The following GRM1 variants were observed in gnomAD, a reference collection of about 807,000 sequenced individuals.
GRM1 encodes the protein glutamate metabotropic receptor 1.
Under a neutral mutation model 90.9 loss-of-function variants are expected in GRM1, and 33 were observed. That is an observed-to-expected ratio of 0.36 (90% CI 0.28 to 0.49). The LOEUF (loss-of-function observed/expected upper bound fraction) is 0.49. GRM1 is among the 20% of genes least tolerant of loss of function. The pLI is 0.99. For synonymous variants in GRM1, 700 were observed against 613.2 expected (o/e 1.14, Z -2.09); for missense variants, 1,190 against 1,534.3 (o/e 0.78, Z 3.75).
chr6:146,064,910 A>C (rs1272754856), intron 1 of GRM1, among the ~76,000 whole-genome samples: 3 of 152,062 alleles, frequency 2.0e-5, no homozygotes, highest in Admixed American at 2.0e-4. Flanking sequence ...ACAAACCATC[A>C]ATATCATCAA....
chr6:146,132,388 A>G (rs374620839), intron 1 of GRM1, among the ~76,000 whole-genome samples: 5 of 152,328 alleles, frequency 3.3e-5, no homozygotes, highest in South Asian at 2.1e-4. Context: ...TATCATTAAG[A>G]AGTTGACAGA....
chr6:146,336,331 C>T (rs1332885624), intron 3 of GRM1, among the ~76,000 whole-genome samples: 1 of 152,140 alleles, frequency 6.6e-6, no homozygotes, highest in African/African-American at 2.4e-5. Context: ...AGGAAGTAAG[C>T]TAAGACTGGG....
chr6:146,165,439 A>C (rs1777873344), intron 2 of GRM1, among the ~76,000 whole-genome samples: 1 of 152,180 alleles, frequency 6.6e-6, no homozygotes, highest in Non-Finnish European at 1.5e-5. Flanking sequence ...TGCAGCATTC[A>C]GGAAAAATTG....
intron 6 of GRM1, among the ~76,000 whole-genome samples, chr6:146,390,349 G>C (rs117565335): frequency 6.6e-6 from 1 of 151,754 alleles, no homozygotes; most frequent in East Asian, 1.9e-4. Context: ...TTTTGAAGCT[G>C]TTAAAAAGTT....
At chr6:146,299,028 G>A (rs1443456979) in intron 2 of GRM1, among the ~76,000 whole-genome samples, 1 of 152,128 alleles carries the variant, frequency 6.6e-6, no homozygotes, top group Non-Finnish European at 1.5e-5. Context: ...GCTTGTTCCT[G>A]TCTTAGGATT....
rs998506141 is a variant in GRM1 at position 146,435,850 on chromosome 6, A to G, written c.*1054A>G. Reference sequence around the variant, plus strand: ...AATAATACCTACAAGTTGAACTTCTAAGATGCGTATATGTACAATTTGGTG... The same window carrying G: ...AATAATACCTACAAGTTGAACTTCTGAGATGCGTATATGTACAATTTGGTG... On this transcript the variant is annotated 3_prime_UTR_variant, in exon 8 of 8. Transcript: ENST00000282753. 6.5e-6 allele frequency: 1 copy of G among 152,674 alleles called. No homozygotes were observed. The highest frequency in any genetic ancestry group is 1.5e-5 in the Non-Finnish European group (1 of 68,046). The allele number at this position is 152,674 out of a possible 1,614,324, so 9.5% of individuals were successfully genotyped here. A position where few individuals can be genotyped will look rare whatever the true frequency, so the allele number is the denominator to read the frequency against.
chr6:146,277,610 G>A (rs1782422304), intron 2 of GRM1, among the ~76,000 whole-genome samples: 1 of 152,090 alleles, frequency 6.6e-6, no homozygotes, highest in African/African-American at 2.4e-5. Context: ...AACTGCCTTG[G>A]GGGAAGACAC....
At chr6:146,353,911 C>T (rs1302836021) in intron 4 of GRM1, among the ~76,000 whole-genome samples, 5 of 152,156 alleles carry the variant, frequency 3.3e-5, no homozygotes, top group East Asian at 1.9e-4. Flanking sequence ...GGATTACAGG[C>T]GTGAGCCACT....
intron 2 of GRM1, chr6:146,171,623 T>C (rs1460607887): frequency 3.9e-6 from 1 of 258,096 alleles, no homozygotes; most frequent in African/African-American, 2.3e-5. Flanking sequence ...GGGGGGTGAA[T>C]TTTTTCTCCT....
chr6:146,290,102 T>G (rs1056200215), intron 2 of GRM1, among the ~76,000 whole-genome samples: 3 of 152,132 alleles, frequency 2.0e-5, no homozygotes, highest in African/African-American at 7.2e-5. Context: ...ACATGATCTG[T>G]AGGGAAAGCC....
At chr6:146,253,232 G>A (rs979789646) in intron 2 of GRM1, among the ~76,000 whole-genome samples, 1 of 152,108 alleles carries the variant, frequency 6.6e-6, no homozygotes, top group Non-Finnish European at 1.5e-5. Context: ...CAGAAATTGA[G>A]GATTTGTTTA....
intron 2 of GRM1, among the ~76,000 whole-genome samples, chr6:146,231,880 T>C (rs1315662543): frequency 6.6e-6 from 1 of 152,216 alleles, no homozygotes; most frequent in East Asian, 1.9e-4. Context: ...TTTTGTTTTC[T>C]TGTAATACCT....
intron 2 of GRM1, among the ~76,000 whole-genome samples, chr6:146,304,169 G>A (rs930638713): frequency 2.9e-4 from 44 of 152,094 alleles, no homozygotes; most frequent in African/African-American, 1.0e-3. Context: ...ATCTATGTAA[G>A]GTAGCTCATG....
intron 2 of GRM1, among the ~76,000 whole-genome samples, chr6:146,281,778 A>T (rs1034678832): frequency 3.3e-5 from 5 of 152,134 alleles, no homozygotes; most frequent in African/African-American, 1.2e-4. Context: ...TACTTCTTTC[A>T]TCTATTAATC....
chr6:146,172,348 C>T (rs933795854), intron 2 of GRM1, among the ~76,000 whole-genome samples: 1 of 152,202 alleles, frequency 6.6e-6, no homozygotes, highest in Middle Eastern at 3.2e-3. Context: ...TTACATTGGG[C>T]ACACCTGTAT....
chr6:146,197,465 A>T (rs1779160348), intron 2 of GRM1, among the ~76,000 whole-genome samples: 1 of 152,168 alleles, frequency 6.6e-6, no homozygotes, highest in South Asian at 2.1e-4. Context: ...CCCTGAAAAC[A>T]CCTCTGAAGT....
intron 7 of GRM1, among the ~76,000 whole-genome samples, chr6:146,419,062 G>A (rs1488621952): frequency 1.3e-5 from 2 of 152,070 alleles, no homozygotes; most frequent in Non-Finnish European, 2.9e-5. Flanking sequence ...TCACAGGAGA[G>A]GTACTGAGAT....
At chr6:146,214,558 A>C (rs896861231) in intron 2 of GRM1, among the ~76,000 whole-genome samples, 1 of 152,184 alleles carries the variant, frequency 6.6e-6, no homozygotes, top group African/African-American at 2.4e-5. Flanking sequence ...CAAAAAGGAT[A>C]TGATAAGTAT....
intron 1 of GRM1, among the ~76,000 whole-genome samples, chr6:146,121,294 C>G (rs1247716172): frequency 6.6e-6 from 1 of 152,126 alleles, no homozygotes; most frequent in Non-Finnish European, 1.5e-5. Context: ...TCCCCTTTAT[C>G]ATTTTTTATT....
Sources: allele counts gnomAD v4.1 joint callset (sites outside exome capture counted in the v4.1 genomes callset), GRCh38; gene constraint gnomAD v4.1.1; transcripts MANE v1.5; gene names NCBI Gene and HGNC (gene_info 2026-07-23, HGNC 2026-07-21).